The following LPCAT3 variants were observed in gnomAD, a reference collection of about 807,000 sequenced individuals.
The protein encoded by LPCAT3 is lysophosphatidylcholine acyltransferase 3, also known as lysophospholipid acyltransferase 5.
Under a neutral mutation model 63.4 loss-of-function variants are expected in LPCAT3, and 21 were observed. The observed-to-expected ratio is 0.33, with a 90% CI of 0.23 to 0.48. The LOEUF is 0.48. Ranked by LOEUF, LPCAT3 falls within the 20% of genes least tolerant of loss-of-function variation. The pLI, the probability that LPCAT3 is intolerant of heterozygous loss-of-function variation, is 0.99. For synonymous variants in LPCAT3, 242 were observed against 227.5 expected, an observed-to-expected ratio of 1.06 and a Z score of -0.58; for missense variants, 451 against 590.6, an observed-to-expected ratio of 0.76 and a Z score of 2.45.
chr12:6,979,763 AT>A (rs1287166906), intron 6 of LPCAT3, 184 bp from the exon 7 acceptor site: 2 of 605,270 alleles, frequency 3.3e-6, no homozygotes, highest in African/African-American at 3.7e-5. Context: ...GCTATGAGGA[AT>A]GGGGACTGCA....
intron 1 of LPCAT3, among the ~76,000 whole-genome samples, chr12:6,994,211 C>CT (rs1198864732): frequency 2.6e-5 from 4 of 151,824 alleles, no homozygotes; most frequent in Non-Finnish European, 5.9e-5. Context: ...GGATCTTTTT[C>CT]TTTTTTTTCC....
rs150049368 is a variant in LPCAT3 at position 7,009,130 on chromosome 12, C to T, written c.151+9144G>A. 2.1e-3 allele frequency among the ~76,000 whole-genome samples: 326 copies of T among 152,220 alleles called. 3 individuals carry two copies. The highest frequency in any genetic ancestry group is 0.014 in the Middle Eastern group (4 of 294). ...AGGCTGGAGTGCCATGGTGCAATCT[C>T]GGCTCACTACAACCTCTGCCTCCTG... On this transcript the variant is annotated intron_variant, in intron 1 of 12. Coordinates refer to ENST00000261407, the MANE Select transcript of LPCAT3 (RefSeq NM_005768.6).
chr12:6,996,459 C>G (rs1480370124), intron 1 of LPCAT3, among the ~76,000 whole-genome samples: 1 of 152,076 alleles, frequency 6.6e-6, no homozygotes, highest in Non-Finnish European at 1.5e-5. Context: ...TTTTGACATA[C>G]CATATATCTT....
chr12:6,983,656 A>G (rs1555154457), intron 1 of LPCAT3, 117 bp from the exon 2 acceptor site: 1 of 670,632 alleles, frequency 1.5e-6, no homozygotes, highest in Admixed American at 2.9e-5. Context: ...AAAAAACAAC[A>G]TACATTATAT....
intron 1 of LPCAT3, among the ~76,000 whole-genome samples, chr12:7,014,892 C>CAAAAAAAA (rs375839002): frequency 0.025 from 1,462 of 57,454 alleles, 37 homozygotes; most frequent in African/African-American, 0.077. Flanking sequence ...GACTCCGTCT[C>CAAAAAAAA]AAAAAAAAAA....
chr12:7,003,603 T>G (rs1268493398), intron 1 of LPCAT3, among the ~76,000 whole-genome samples: 2 of 152,150 alleles, frequency 1.3e-5, no homozygotes, highest in Non-Finnish European at 2.9e-5. Context: ...ATGGCACTGG[T>G]CTCAACCTGT....
chr12:6,997,413 G>A (rs1433092986), intron 1 of LPCAT3: 2 of 150,898 alleles, frequency 1.3e-5, no homozygotes, highest in African/African-American at 2.6e-5. Context: ...GTGTGTGTGT[G>A]TGTGTGTGTG....
chr12:7,013,182 A>C (rs1468275898), intron 1 of LPCAT3, among the ~76,000 whole-genome samples: 2 of 152,258 alleles, frequency 1.3e-5, no homozygotes, highest in Non-Finnish European at 2.9e-5. Context: ...TTGTCAGGTG[A>C]CTGAAGGGCA....
chr12:6,978,754 T>C (rs1946437801), intron 7 of LPCAT3, 65 bp from the exon 8 acceptor site: 2 of 1,591,950 alleles, frequency 1.3e-6, no homozygotes, highest in African/African-American at 1.3e-5. Context: ...CTCAGCACTC[T>C]TCCTTTTCAC....
At chr12:7,004,567 C>A (rs1159188205) in intron 1 of LPCAT3, among the ~76,000 whole-genome samples, 8 of 152,176 alleles carry the variant, frequency 5.3e-5, no homozygotes, top group Non-Finnish European at 8.8e-5. Context: ...ATATTACCCT[C>A]TCTAGTTTTC....
intron 1 of LPCAT3, among the ~76,000 whole-genome samples, chr12:6,990,526 A>T (rs886189051): frequency 7.6e-5 from 11 of 144,504 alleles, no homozygotes; most frequent in Admixed American, 4.9e-4. Flanking sequence ...AAATTAAAAT[A>T]AAATAAATAA....
Position 7,018,447 on chromosome 12 carries a change from G to T in LPCAT3, c.-23C>A, listed in dbSNP as rs1555157816. On this transcript the variant is annotated 5_prime_UTR_variant, in exon 1 of 13. Coordinates refer to ENST00000261407, the MANE Select transcript of LPCAT3 (RefSeq NM_005768.6). This position sits in a 1 kb window ranked among gnomAD's most constrained non-coding sequence, Gnocchi z 4.9. Reference sequence around the variant, plus strand: ...CATCTTAACTCCGGGAGCCCCACAGGGACCCCCCAGCTCCGCGCGCCCCGA... The same window carrying T: ...CATCTTAACTCCGGGAGCCCCACAGTGACCCCCCAGCTCCGCGCGCCCCGA... 1 of 1,575,178 alleles carries T rather than the reference G, an allele frequency of 6.3e-7. No individual in the cohort carries two copies. Among genetic ancestry groups the T allele is most frequent in the Non-Finnish European group, 8.6e-7 (1 of 1,158,150 alleles).
chr12:6,983,605 G>A lies in LPCAT3; in HGVS notation c.152-66C>T, dbSNP rs1213381593. ...GGTGCCATCCCAGTTTGGTTTGGAA[G>A]TTTATCTGGCATGAAACGCAGCCCA... On this transcript the variant is annotated intron_variant, in intron 1 of 12. Coordinates refer to ENST00000261407, the MANE Select transcript of LPCAT3 (RefSeq NM_005768.6). 6.9e-6 allele frequency: 7 copies of A among 1,015,136 alleles called. No homozygotes were observed. The East Asian group carries it at 7.3e-5, about 11-fold the overall frequency. 62.9% of individuals were successfully genotyped at this position (1,015,136 alleles called of 1,614,324 possible). A position where few individuals can be genotyped will look rare whatever the true frequency, so the allele number is the denominator to read the frequency against.
intron 1 of LPCAT3, among the ~76,000 whole-genome samples, chr12:7,007,578 TC>T (rs1286886681): frequency 1.1e-4 from 14 of 131,866 alleles, no homozygotes; most frequent in African/African-American, 4.1e-4. Flanking sequence ...CACTGCAACC[TC>T]CCCCTCCCAG....
In LPCAT3 at chr12:6,978,418, C is replaced by G; in HGVS notation, c.963G>C (p.Val321=). 6.2e-7 allele frequency: 1 copy of G among 1,614,116 alleles called. No individual in the cohort carries two copies. Residue 321 remains valine (V), a synonymous_variant, in exon 9 of 13, where the codon GTG becomes GTC. Transcript: ENST00000261407. ...AGCGGGGGTTTGTTTCAAAGAGCCA[C>G]ACCTTCATGTTGGCACAGGCATCCC... ...AKWDACANMK[V]WLFETNPRFT...
chr12:6,979,509 G>C lies in LPCAT3; in HGVS notation c.748C>G (p.His250Asp). 2 of 1,613,936 alleles carry C rather than the reference G, an allele frequency of 1.2e-6. No individual in the cohort carries two copies. The highest frequency in any genetic ancestry group is 1.7e-6 in the Non-Finnish European group (2 of 1,179,812). Reference protein sequence around the residue: ...YLVGYTLLSPHITEDYLLTED... With the variant: ...YLVGYTLLSPDITEDYLLTED... The stretch of plus-strand genomic sequence containing the variant: ...GTGAGGAGATAGTCTTCTGTGATGT[G>C]GGGGCTGAGCAGTGTGTAGCCCACT... The change falls in exon 7 of 13, where the codon CAC becomes GAC. Residue 250 changes from histidine to aspartate, a missense_variant. Physicochemically the swap from His to Asp is moderately conservative, Grantham distance 81. Transcript: ENST00000261407.
chr12:6,978,808 G>A, intron 7 of LPCAT3, 119 bp from the exon 8 acceptor site: 1 of 1,448,736 alleles, frequency 6.9e-7, no homozygotes, highest in South Asian at 1.4e-5. Context: ...CCTGCTGCCA[G>A]ATGCCCTCAA....
intron 1 of LPCAT3, among the ~76,000 whole-genome samples, chr12:7,016,877 C>G (rs1555157648): frequency 6.6e-6 from 1 of 152,024 alleles, no homozygotes; most frequent in African/African-American, 2.4e-5. Context: ...TAAAATCTTA[C>G]GATTCCACAG....
chr12:6,992,858 A>G (rs782529899), intron 1 of LPCAT3, among the ~76,000 whole-genome samples: 1 of 152,224 alleles, frequency 6.6e-6, no homozygotes. Context: ...AATATGGTGT[A>G]GTATTGCATG....
Sources: allele counts gnomAD v4.1 joint callset (sites outside exome capture counted in the v4.1 genomes callset), GRCh38; gene constraint gnomAD v4.1.1; non-coding constraint Gnocchi (gnomAD v3.1); transcripts MANE v1.5; gene names NCBI Gene and HGNC (gene_info 2026-07-23, HGNC 2026-07-21).